EXOC4: variants seen among roughly 807,000 people sequenced by gnomAD.
EXOC4 encodes the protein exocyst complex component 4.
Under a neutral mutation model 107.2 loss-of-function variants are expected in EXOC4, and 71 were observed. That is an observed-to-expected ratio of 0.66 (90% CI 0.55 to 0.81). EXOC4 has a LOEUF of 0.81. Among genes scored for constraint, EXOC4 ranks in the 30% least tolerant of loss-of-function variants. The probability of loss-of-function intolerance (pLI) is 0.00; values close to 1 mark genes in which losing one functional copy is unlikely to be tolerated. For missense variants in EXOC4, 1,108 were observed against 1,189.6 expected (o/e 0.93, Z 1.01); for synonymous variants, 456 against 441.2 (o/e 1.03, Z -0.42).
At chr7:133,388,209 A>G (rs1796771684) in intron 7 of EXOC4, among the ~76,000 whole-genome samples, 1 of 152,188 alleles carries the variant, frequency 6.6e-6, no homozygotes, top group South Asian at 2.1e-4. Flanking sequence ...GATCAGTTTC[A>G]GCATTATCAA....
chr7:133,497,519 C>T (rs1189532780), intron 9 of EXOC4, among the ~76,000 whole-genome samples: 7 of 151,898 alleles, frequency 4.6e-5, no homozygotes, highest in African/African-American at 1.7e-4. Flanking sequence ...CAACCTCCAC[C>T]TCCTGGGTTC....
In EXOC4 at chr7:133,955,230, G is replaced by C. The variant is rs138807040; in HGVS notation, c.2206+17161G>C. ...AAGTGTTGTGTGAGCAGAGTGAAGA[G>C]GAGCTTTATTGAGCAACAAAACAGC... On this transcript the variant is annotated intron_variant, in intron 14 of 17. Coordinates refer to ENST00000253861, the MANE Select transcript of EXOC4 (RefSeq NM_021807.4). 4.6e-3 allele frequency among the ~76,000 whole-genome samples: 708 copies of C among 152,360 alleles called. 3 individuals are homozygous for C. The highest frequency in any genetic ancestry group is 0.017 in the Middle Eastern group (5 of 294).
chr7:133,622,277 T>A (rs74391249), intron 9 of EXOC4, among the ~76,000 whole-genome samples: 1 of 150,100 alleles, frequency 6.7e-6, no homozygotes, highest in Non-Finnish European at 1.5e-5. Flanking sequence ...ACCTGGCCGA[T>A]TTTTTTTCTT....
intron 9 of EXOC4, among the ~76,000 whole-genome samples, chr7:133,580,001 A>G (rs556425915): frequency 2.4e-4 from 37 of 152,144 alleles, no homozygotes; most frequent in Non-Finnish European, 4.6e-4. Flanking sequence ...GGCCCACAAT[A>G]TTACTTTCTA....
At chr7:133,675,313 C>G (rs1191399513) in intron 10 of EXOC4, among the ~76,000 whole-genome samples, 2 of 152,104 alleles carry the variant, frequency 1.3e-5, no homozygotes, top group Admixed American at 1.3e-4. Context: ...TAGGGCCATT[C>G]TGTTTTATGG....
rs1799841778 is a variant in EXOC4, at chr7:133,917,692, C to T, written c.1981C>T (p.Pro661Ser). The T allele has an allele frequency of 6.2e-7, 1 of 1,613,988 alleles. No individual in the cohort carries two copies. The highest frequency in any genetic ancestry group is 8.5e-7 in the Non-Finnish European group (1 of 1,179,974). ...SLPNWMNMAQ[P>S]KQLRPKREEE... The stretch of plus-strand genomic sequence containing the variant: ...ACCAAACTGGATGAATATGGCTCAA[C>T]CCAAACAGCTGAGGCCAAAAAGAGA... The change falls in exon 13 of 18, where the codon CCC (proline) becomes TCC (serine). Residue 661 changes from proline to serine, a missense_variant. By Grantham distance (74) the Pro-to-Ser change is moderately conservative. Transcript: ENST00000253861.
At chr7:133,737,009 CTT>C (rs1258490597) in intron 10 of EXOC4, among the ~76,000 whole-genome samples, 1 of 152,120 alleles carries the variant, frequency 6.6e-6, no homozygotes, top group Non-Finnish European at 1.5e-5. Context: ...TAAATTTTAT[CTT>C]TCTTTTTGTC....
chr7:133,276,714 T>C (rs552336798), intron 2 of EXOC4, among the ~76,000 whole-genome samples: 28 of 152,326 alleles, frequency 1.8e-4, no homozygotes, highest in Middle Eastern at 3.4e-3. Flanking sequence ...TGCCCTGTGC[T>C]ATGAGATTGG....
the EXOC4 span, among the ~76,000 whole-genome samples, chr7:134,073,240 GAAA>G: frequency 6.1e-5 from 1 of 16,360 alleles, no homozygotes; most frequent in African/African-American, 2.3e-4. Context: ...AAACAACAAA[GAAA>G]GGCCCCAGGC....
chr7:133,347,605 G>C (rs1317089311), intron 5 of EXOC4, among the ~76,000 whole-genome samples: 1 of 152,166 alleles, frequency 6.6e-6, no homozygotes, highest in Non-Finnish European at 1.5e-5. Flanking sequence ...ATATTATCTA[G>C]TCAATCTTTT....
chr7:133,258,614 C>G (rs1584755049), intron 1 of EXOC4, among the ~76,000 whole-genome samples: 2 of 152,152 alleles, frequency 1.3e-5, no homozygotes, highest in East Asian at 3.8e-4. Context: ...TTCCTCCTTT[C>G]TAGGATCTGT....
intron 12 of EXOC4, among the ~76,000 whole-genome samples, chr7:133,916,000 T>C (rs1226463239): frequency 1.1e-4 from 17 of 152,208 alleles, no homozygotes; most frequent in Admixed American, 1.0e-3. Flanking sequence ...TATTCTAGTT[T>C]ATTTTAAAAG....
chr7:133,656,888 TTGAAA>T lies in EXOC4; in HGVS notation c.1514+26751_1514+26755del, dbSNP rs555903092. Among the ~76,000 whole-genome samples the T allele has an allele frequency of 6.0e-4, 91 of 152,308 alleles. 2 individuals are homozygous for T. The East Asian group carries it at 0.015, about 26-fold the overall frequency. On this transcript the variant is annotated intron_variant, in intron 10 of 17. Coordinates refer to ENST00000253861, the MANE Select transcript of EXOC4 (RefSeq NM_021807.4). Reference sequence around the variant, plus strand: ...AGGAATTAAGTTATGATTTTGGGACTTGAAATGAGAGTAATTCAGAAGAGCATTTC... The same window carrying T: ...AGGAATTAAGTTATGATTTTGGGACTTGAGAGTAATTCAGAAGAGCATTTC...
rs397890140 is a variant in EXOC4, at chr7:133,659,000, C to CTTTTTTTTTTTTTT, written c.1514+28875_1514+28888dup. 1.7e-4 allele frequency among the ~76,000 whole-genome samples: 7 copies of CTTTTTTTTTTTTTT among 40,138 alleles called. 2 individuals are homozygous for CTTTTTTTTTTTTTT. The highest frequency in any genetic ancestry group is 6.1e-4 in the African/African-American group (6 of 9,842). 26.3% of individuals were successfully genotyped at this position (40,138 alleles called of 152,430 possible). On this transcript the variant is annotated intron_variant, in intron 10 of 17. Coordinates refer to ENST00000253861, the MANE Select transcript of EXOC4 (RefSeq NM_021807.4). The stretch of plus-strand genomic sequence containing the variant: ...TGATTTGGTGAAGACTTCAGAGAAG[C>CTTTTTTTTTTTTTT]TTTTTTTTTTTTTTTTTTTTTTTTT...
At chr7:134,008,800 T>TA (rs1249643273) in intron 17 of EXOC4, among the ~76,000 whole-genome samples, 1 of 66,588 alleles carries the variant, frequency 1.5e-5, no homozygotes, top group Non-Finnish European at 2.6e-5. Flanking sequence ...GGCTAATTTT[T>TA]ATATTTTTTT....
intron 10 of EXOC4, among the ~76,000 whole-genome samples, chr7:133,747,761 C>A (rs1466695189): frequency 1.3e-5 from 2 of 152,128 alleles, no homozygotes; most frequent in Non-Finnish European, 2.9e-5. Flanking sequence ...TATAACCTGA[C>A]TTCCTAGCCA....
At chr7:133,378,553 A>G (rs1467606871) in intron 7 of EXOC4, among the ~76,000 whole-genome samples, 1 of 152,120 alleles carries the variant, frequency 6.6e-6, no homozygotes, top group Non-Finnish European at 1.5e-5. Flanking sequence ...TATGACAATA[A>G]TTAGACAAAA....
chr7:133,950,644 A>T (rs1800668893), intron 14 of EXOC4, among the ~76,000 whole-genome samples: 1 of 152,252 alleles, frequency 6.6e-6, no homozygotes, highest in South Asian at 2.1e-4. Flanking sequence ...TAGTGATATC[A>T]GAATGCTGAA....
intron 10 of EXOC4, among the ~76,000 whole-genome samples, chr7:133,698,590 AT>A (rs1377699145): frequency 1.3e-5 from 2 of 150,292 alleles, no homozygotes; most frequent in African/African-American, 4.9e-5. Context: ...AAAAAAAAAT[AT>A]AGAAGATGCG....
Sources: gnomAD v4.1 joint callset for allele counts (sites outside exome capture counted in the v4.1 genomes callset) on GRCh38, gnomAD v4.1.1 for gene constraint, MANE v1.5 for transcripts, NCBI Gene and HGNC (gene_info 2026-07-23, HGNC 2026-07-21) for gene names.